Variants in PTH2R observed in about 807,000 individuals in gnomAD.
PTH2R encodes the protein parathyroid hormone 2 receptor, also known as PTH2 receptor.
PTH2R carries 59 observed loss-of-function variants against 60.3 expected under a neutral mutation model. The ratio of observed to expected loss-of-function variants is 0.98; its 90% CI spans 0.79 to 1.22. The LOEUF is 1.22. Ranked by LOEUF, PTH2R falls within the 50% of genes most tolerant of loss-of-function variation. The pLI is 0.00. For missense variants in PTH2R, 749 were observed against 682.6 expected (o/e 1.10, Z -1.08); for synonymous variants, 256 against 243.8 (o/e 1.05, Z -0.47).
intron 9 of PTH2R, among the ~76,000 whole-genome samples, chr2:208,464,794 G>T (rs549723598): frequency 1.3e-5 from 2 of 152,080 alleles, no homozygotes; most frequent in African/African-American, 4.8e-5. Flanking sequence ...CAGGAGGCTC[G>T]CTTGAGGCCA....
rs140655569 is a variant in PTH2R, at chr2:208,409,058, A to G, written c.75+1940A>G. On this transcript the variant is annotated intron_variant, in intron 1 of 12. Coordinates refer to ENST00000272847, the MANE Select transcript of PTH2R (RefSeq NM_005048.4). Reference sequence around the variant, plus strand: ...AAAATGTCTCTAGATGTTGCTGTACATAGTTTGGAAGGCAAAATCACTCCT... The same window carrying G: ...AAAATGTCTCTAGATGTTGCTGTACGTAGTTTGGAAGGCAAAATCACTCCT... Among the ~76,000 whole-genome samples, 484 of 152,254 alleles carry G rather than the reference A, an allele frequency of 3.2e-3. 1 individual carries two copies. The highest frequency in any genetic ancestry group is 0.011 in the African/African-American group (461 of 41,554).
rs949835690 is a variant in PTH2R, at chr2:208,360,191, T to C, written c.-305T>C. On this transcript the variant is annotated 5_prime_UTR_variant, in exon 1 of 13. Transcript: ENST00000617735. ...TTTCTTTTCTCTTCTTTTTCTACGA[T>C]AAATGAAAGCATTTCTTCAAGAAAA... 6.6e-6 allele frequency: 3 copies of C among 455,278 alleles called. No homozygotes were observed. The East Asian group carries it at 2.1e-4, about 32-fold the overall frequency. 28.2% of individuals were successfully genotyped at this position (455,278 alleles called of 1,614,324 possible). A position where few individuals can be genotyped will look rare whatever the true frequency, so the allele number is the denominator to read the frequency against.
intron 1 of PTH2R, among the ~76,000 whole-genome samples, chr2:208,384,603 G>A (rs1406507812): frequency 6.6e-6 from 1 of 152,108 alleles, no homozygotes; most frequent in East Asian, 1.9e-4. Context: ...AACACACACA[G>A]TTTTCTTTTG....
intron 9 of PTH2R, among the ~76,000 whole-genome samples, chr2:208,467,002 T>G (rs1255788045): frequency 6.6e-6 from 1 of 152,190 alleles, no homozygotes; most frequent in Non-Finnish European, 1.5e-5. Context: ...GTTCTTATTT[T>G]TTTTGGATAG....
chr2:208,455,706 C>CCG, intron 8 of PTH2R, among the ~76,000 whole-genome samples: 1 of 152,238 alleles, frequency 6.6e-6, no homozygotes, highest in South Asian at 2.1e-4. Context: ...TATATAGCGC[C>CCG]ATATGACAAC....
intron 1 of PTH2R, among the ~76,000 whole-genome samples, chr2:208,362,239 T>C (rs753539448): frequency 6.6e-6 from 1 of 152,202 alleles, no homozygotes; most frequent in South Asian, 2.1e-4. Context: ...TGAATTGAAT[T>C]ACAGCATGAA....
intron 2 of PTH2R, among the ~76,000 whole-genome samples, chr2:208,431,917 T>C (rs554625334): frequency 6.6e-6 from 1 of 152,364 alleles, no homozygotes; most frequent in East Asian, 1.9e-4. Context: ...AGCTAAGCCA[T>C]ATTTAAAGAA....
chr2:208,490,606 T>C (rs758815043), intron 11 of PTH2R, 33 bp from the exon 12 acceptor site: 2 of 1,595,040 alleles, frequency 1.3e-6, no homozygotes, highest in East Asian at 4.5e-5. Flanking sequence ...GTTTCTGAGT[T>C]GGCAGTGGGC....
chr2:208,425,430 C>A (rs1021188932), intron 1 of PTH2R, among the ~76,000 whole-genome samples: 1 of 152,180 alleles, frequency 6.6e-6, no homozygotes, highest in Non-Finnish European at 1.5e-5. Context: ...AGCAATGACC[C>A]AATGACCCAG....
At chr2:208,381,832 T>A (rs1700920172) in intron 1 of PTH2R, among the ~76,000 whole-genome samples, 1 of 152,012 alleles carries the variant, frequency 6.6e-6, no homozygotes, top group Admixed American at 6.6e-5. Context: ...ACTAAACTAA[T>A]CCCAGCAAGA....
chr2:208,455,049 T>G (rs1371833616), intron 8 of PTH2R, among the ~76,000 whole-genome samples: 3 of 152,228 alleles, frequency 2.0e-5, no homozygotes, highest in Admixed American at 1.3e-4. Flanking sequence ...GTTCTAAAAC[T>G]TGCTGGCTTT....
chr2:208,410,640 G>A (rs1221202186), intron 1 of PTH2R, among the ~76,000 whole-genome samples: 6 of 152,150 alleles, frequency 3.9e-5, no homozygotes, highest in East Asian at 3.9e-4. Flanking sequence ...GGACAAGATC[G>A]TAAAAACAGG....
intron 11 of PTH2R, 57 bp from the exon 12 acceptor site, chr2:208,490,582 C>T (rs1703381332): frequency 2.6e-6 from 4 of 1,564,554 alleles, no homozygotes; most frequent in Non-Finnish European, 3.5e-6. Flanking sequence ...GCACAAGATG[C>T]TTAAGTGCTG....
intron 10 of PTH2R, among the ~76,000 whole-genome samples, chr2:208,483,340 A>C (rs1230349746): frequency 6.6e-6 from 1 of 152,218 alleles, no homozygotes; most frequent in African/African-American, 2.4e-5. Flanking sequence ...AGAATAATAA[A>C]AAATGTAAAT....
In PTH2R at chr2:208,379,886, G is replaced by A. The variant is rs182610085; in HGVS notation, c.-259+19649G>A. On this transcript the variant is annotated intron_variant, in intron 1 of 12. Transcript: ENST00000617735. ...AAAAAAAAAAAAAGAGAGAGAGACCGTTTGTGAAGGTGTGTTACACAGAGA... is the reference window on the plus strand; with the variant it reads ...AAAAAAAAAAAAAGAGAGAGAGACCATTTGTGAAGGTGTGTTACACAGAGA... Among the ~76,000 whole-genome samples the A allele has an allele frequency of 2.6e-5, 4 of 151,454 alleles. No individual in the cohort carries two copies. The East Asian group carries it at 5.8e-4, about 22-fold the overall frequency.
intron 8 of PTH2R, among the ~76,000 whole-genome samples, chr2:208,453,361 A>G (rs567456133): frequency 6.6e-6 from 1 of 152,350 alleles, no homozygotes; most frequent in South Asian, 2.1e-4. Context: ...CCATAACTAC[A>G]AATGCTCTAC....
intron 9 of PTH2R, among the ~76,000 whole-genome samples, chr2:208,464,238 A>G (rs7563597): frequency 0.08 from 12,183 of 152,286 alleles, 535 homozygotes; most frequent in Non-Finnish European, 0.084. Flanking sequence ...AGAAAAGTAT[A>G]ACATAATGTT....
At chr2:208,481,231 T>G in intron 10 of PTH2R, 67 bp downstream of exon 10, 2 of 1,219,978 alleles carry the variant, frequency 1.6e-6, no homozygotes, top group East Asian at 5.0e-5. Context: ...TTTTTTTTTT[T>G]TTTTTGAGAC....
At chr2:208,377,125 T>C (rs533334506) in intron 1 of PTH2R, among the ~76,000 whole-genome samples, 3 of 152,028 alleles carry the variant, frequency 2.0e-5, no homozygotes, top group African/African-American at 4.8e-5. Flanking sequence ...ACATCTTGCA[T>C]GGCCCTTAAT....
Sources: gnomAD v4.1 joint callset for allele counts (sites outside exome capture counted in the v4.1 genomes callset) on GRCh38, gnomAD v4.1.1 for gene constraint, MANE v1.5 for transcripts, NCBI Gene and HGNC (gene_info 2026-07-23, HGNC 2026-07-21) for gene names.